The following KLRG1 variants were observed in gnomAD, a reference collection of about 807,000 sequenced individuals.
The protein encoded by KLRG1 is killer cell lectin like receptor G1, also known as killer cell lectin-like receptor subfamily G member 1.
KLRG1 carries 16 observed loss-of-function variants against 21.8 expected under a neutral mutation model. The ratio of observed to expected loss-of-function variants is 0.73; its 90% CI spans 0.50 to 1.11. The LOEUF is 1.11. Ranked by LOEUF, KLRG1 falls within the 50% of genes most tolerant of loss-of-function variation. The pLI, the probability that KLRG1 is intolerant of heterozygous loss-of-function variation, is 0.00. For synonymous variants in KLRG1, 69 were observed against 75.9 expected, an observed-to-expected ratio of 0.91 and a Z score of 0.47; for missense variants, 173 against 218.3, an observed-to-expected ratio of 0.79 and a Z score of 1.31.
At chr12:9,074,900 T>C in the KLRG1 span, 22 of 1,040,020 alleles carry the variant, frequency 2.1e-5, no homozygotes, top group East Asian at 5.2e-4. Flanking sequence ...TCCCCTGTAC[T>C]GTATGTAGAT....
chr12:9,150,883 G>A, the KLRG1 span: 2 of 644,954 alleles, frequency 3.1e-6, no homozygotes, highest in Admixed American at 2.9e-5. Context: ...ATGTCAAGAT[G>A]GGTTTTAGAA....
the KLRG1 span, among the ~76,000 whole-genome samples, chr12:9,053,655 A>T: frequency 6.6e-6 from 1 of 152,178 alleles, no homozygotes; most frequent in African/African-American, 2.4e-5. Flanking sequence ...CACACTCAGC[A>T]TTAAGCACTA....
chr12:9,162,635 T>C, the KLRG1 span: 1 of 1,593,694 alleles, frequency 6.3e-7, no homozygotes, highest in Non-Finnish European at 8.6e-7. Context: ...CTTTTCTTGC[T>C]CAATACCTTC....
chr12:8,972,412 G>T (rs1200712063), intron 1 of KLRG1, among the ~76,000 whole-genome samples: 1 of 152,168 alleles, frequency 6.6e-6, no homozygotes, highest in Non-Finnish European at 1.5e-5. Context: ...CCCTGCCTCG[G>T]CATCCCAAAG....
chr12:9,006,606 T>C (rs1262688466), intron 3 of KLRG1, among the ~76,000 whole-genome samples: 2 of 152,180 alleles, frequency 1.3e-5, no homozygotes, highest in African/African-American at 4.8e-5. Context: ...CACAGAGTGA[T>C]TAAAAGTTTA....
At chr12:9,107,628 G>A in the KLRG1 span, 6 of 1,613,798 alleles carry the variant, frequency 3.7e-6, no homozygotes, top group African/African-American at 6.7e-5. Context: ...CCAGGGACAG[G>A]CTTCCCATAT....
chr12:8,955,105 T>C (rs1275942914), intron 1 of KLRG1, among the ~76,000 whole-genome samples: 4 of 152,006 alleles, frequency 2.6e-5, no homozygotes, highest in African/African-American at 9.7e-5. Flanking sequence ...TTAGTAGAGA[T>C]GGGGTTTCAC....
the KLRG1 span, among the ~76,000 whole-genome samples, chr12:9,046,886 A>G: frequency 6.6e-6 from 1 of 152,150 alleles, no homozygotes; most frequent in East Asian, 1.9e-4. Flanking sequence ...ACGGAGTCTT[A>G]CCTTGTCACC....
the KLRG1 span, chr12:9,077,195 G>C: frequency 1.2e-6 from 1 of 838,226 alleles, no homozygotes; most frequent in Non-Finnish European, 1.8e-6. Context: ...TTAATGGGCT[G>C]ACCAAATTCT....
the KLRG1 span, among the ~76,000 whole-genome samples, chr12:9,063,902 T>C: frequency 6.6e-6 from 1 of 152,214 alleles, no homozygotes; most frequent in Non-Finnish European, 1.5e-5. Flanking sequence ...CAGCTAATGA[T>C]TTGCAACAAG....
At chr12:9,016,140 A>T in the KLRG1 span, among the ~76,000 whole-genome samples, 2 of 152,144 alleles carry the variant, frequency 1.3e-5, no homozygotes, top group African/African-American at 4.8e-5. Context: ...TTAGTAGAAG[A>T]AAAGAAATAA....
At chr12:9,011,959 A>G (rs1479381628), downstream of KLRG1, among the ~76,000 whole-genome samples, 1 of 152,216 alleles carries the variant, frequency 6.6e-6, no homozygotes, top group African/African-American at 2.4e-5. Context: ...GGCCCATCCC[A>G]GTGGTCGGAA....
chr12:9,157,993 G>C, the KLRG1 span: 1 of 734,674 alleles, frequency 1.4e-6, no homozygotes, highest in African/African-American at 1.7e-5. Flanking sequence ...TTGCTCTGTA[G>C]CTCAGGCTGG....
the KLRG1 span, chr12:9,079,527 C>T: frequency 8.9e-7 from 1 of 1,118,778 alleles, no homozygotes; most frequent in Non-Finnish European, 1.3e-6. Context: ...ATCATAGCAG[C>T]TATCATAGTG....
At chr12:9,047,185 A>G in the KLRG1 span, among the ~76,000 whole-genome samples, 1 of 152,220 alleles carries the variant, frequency 6.6e-6, no homozygotes, top group African/African-American at 2.4e-5. Flanking sequence ...CCTAACAGAT[A>G]ACAGTTTGTT....
the KLRG1 span, among the ~76,000 whole-genome samples, chr12:9,138,771 G>C: frequency 6.6e-6 from 1 of 152,072 alleles, no homozygotes; most frequent in South Asian, 2.1e-4. Context: ...TATTCGATTA[G>C]TTGACATATT....
the KLRG1 span, chr12:9,194,346 C>CA: frequency 2.1e-5 from 21 of 981,362 alleles, no homozygotes; most frequent in South Asian, 3.9e-5. Context: ...ACCTCCCCCT[C>CA]AAAAAAACCC....
At chr12:9,142,055 C>T in the KLRG1 span, among the ~76,000 whole-genome samples, 2 of 152,140 alleles carry the variant, frequency 1.3e-5, no homozygotes, top group South Asian at 2.1e-4. Flanking sequence ...TGACATGCCT[C>T]GACTTTGTTG....
At chr12:8,972,432 T>C (rs1946586356) in intron 1 of KLRG1, among the ~76,000 whole-genome samples, 1 of 152,234 alleles carries the variant, frequency 6.6e-6, no homozygotes, top group Non-Finnish European at 1.5e-5. Context: ...GTGCTGGGAT[T>C]ACAGGCGTGA....
Sources: gnomAD v4.1 joint callset for allele counts (sites outside exome capture counted in the v4.1 genomes callset) on GRCh38, gnomAD v4.1.1 for gene constraint, MANE v1.5 for transcripts, NCBI Gene and HGNC (gene_info 2026-07-23, HGNC 2026-07-21) for gene names.